The following GNAT3 variants were observed in gnomAD, a reference collection of about 807,000 sequenced individuals.
GNAT3 encodes G protein subunit alpha transducin 3, also known as guanine nucleotide-binding protein G(t) subunit alpha-3.
In GNAT3, 31 loss-of-function variants were observed where a neutral mutation model predicts 37.7. The ratio of observed to expected loss-of-function variants is 0.82; its 90% CI spans 0.62 to 1.11. GNAT3 has a LOEUF of 1.11. Among genes scored for constraint, GNAT3 ranks in the 50% most tolerant of loss-of-function variants. The probability of loss-of-function intolerance (pLI) is 0.00; values close to 1 mark genes in which losing one functional copy is unlikely to be tolerated. For synonymous variants in GNAT3, 138 were observed against 139.8 expected, an observed-to-expected ratio of 0.99 and a Z score of 0.09; for missense variants, 437 against 412.5, an observed-to-expected ratio of 1.06 and a Z score of -0.51.
intron 3 of GNAT3, among the ~76,000 whole-genome samples, chr7:80,485,678 A>T (rs560635844): frequency 4.6e-5 from 7 of 152,218 alleles, no homozygotes; most frequent in East Asian, 1.9e-4. Flanking sequence ...ATAAAAAATA[A>T]TTTTTTCAAA....
At chr7:80,488,312 C>A (rs566543934) in intron 3 of GNAT3, among the ~76,000 whole-genome samples, 3 of 151,954 alleles carry the variant, frequency 2.0e-5, no homozygotes, top group Non-Finnish European at 4.4e-5. Context: ...GTTTAATCCT[C>A]AGGAAAACAA....
At chr7:80,488,128 T>A (rs570040382) in intron 3 of GNAT3, among the ~76,000 whole-genome samples, 9 of 152,264 alleles carry the variant, frequency 5.9e-5, no homozygotes, top group African/African-American at 2.2e-4. Flanking sequence ...GTAATCATCG[T>A]CAAACATTAA....
chr7:80,509,354 A>G (rs1348734867), intron 1 of GNAT3, among the ~76,000 whole-genome samples: 2 of 152,100 alleles, frequency 1.3e-5, no homozygotes, highest in Non-Finnish European at 2.9e-5. Flanking sequence ...AATAGGAACA[A>G]CTTAAGAGAA....
rs1485352522 is a variant in GNAT3, at chr7:80,510,347, T to TA, written c.118+1461dup. Among the ~76,000 whole-genome samples the TA allele has an allele frequency of 7.9e-5, 12 of 152,254 alleles. No individual in the cohort carries two copies. In the South Asian group the frequency reaches 2.3e-3, roughly 29 times the overall value. On this transcript the variant is annotated intron_variant, in intron 1 of 7. Transcript: ENST00000398291. Reference sequence around the variant, plus strand: ...TATTTTTACAAAATAAGAGAATATGTAAAAAAATAGATAATTGGTATATTG... The same window carrying TA: ...TATTTTTACAAAATAAGAGAATATGTAAAAAAAATAGATAATTGGTATATTG...
chr7:80,476,220 A>C (rs914879584), intron 4 of GNAT3, among the ~76,000 whole-genome samples: 1 of 151,928 alleles, frequency 6.6e-6, no homozygotes, highest in Non-Finnish European at 1.5e-5. Flanking sequence ...GCATTAGCAG[A>C]CTGACAAATT....
chr7:80,499,623 A>G (rs1790796671), intron 1 of GNAT3, among the ~76,000 whole-genome samples: 2 of 152,230 alleles, frequency 1.3e-5, no homozygotes, highest in South Asian at 4.1e-4. Flanking sequence ...CTGTTGGTAT[A>G]AAAGATTTTT....
At chr7:80,494,724 G>C in intron 1 of GNAT3, 77 bp from the exon 2 acceptor site, 3 of 862,302 alleles carry the variant, frequency 3.5e-6, no homozygotes, top group East Asian at 2.7e-5. Context: ...ACTTTTCATG[G>C]ATAATCTTTA....
chr7:80,478,206 C>T (rs886494027), intron 4 of GNAT3, among the ~76,000 whole-genome samples: 1 of 152,140 alleles, frequency 6.6e-6, no homozygotes, highest in Non-Finnish European at 1.5e-5. Flanking sequence ...CCACTGTGCC[C>T]AGCACTAAAG....
chr7:80,489,632 T>A (rs1790554295), intron 2 of GNAT3, among the ~76,000 whole-genome samples: 1 of 152,156 alleles, frequency 6.6e-6, no homozygotes, highest in African/African-American at 2.4e-5. Context: ...CTATATTTGT[T>A]ATTTGTTGTT....
intron 1 of GNAT3, among the ~76,000 whole-genome samples, chr7:80,510,301 A>G (rs1791042819): frequency 6.6e-6 from 1 of 152,164 alleles, no homozygotes; most frequent in African/African-American, 2.4e-5. Context: ...TAGCTCTTTC[A>G]TTGTTTTGGC....
intron 3 of GNAT3, among the ~76,000 whole-genome samples, chr7:80,480,320 C>T (rs939681730): frequency 6.6e-6 from 1 of 152,080 alleles, no homozygotes; most frequent in Non-Finnish European, 1.5e-5. Context: ...CTCCATTTTA[C>T]ATGTGAGGAA....
chr7:80,485,372 C>T (rs1790460788), intron 3 of GNAT3, among the ~76,000 whole-genome samples: 1 of 152,104 alleles, frequency 6.6e-6, no homozygotes, highest in Non-Finnish European at 1.5e-5. Context: ...TTTGTAATTG[C>T]TTACATATGT....
At chr7:80,473,244 G>A (rs1790248860) in intron 5 of GNAT3, among the ~76,000 whole-genome samples, 1 of 152,030 alleles carries the variant, frequency 6.6e-6, no homozygotes, top group Admixed American at 6.6e-5. Context: ...AACTATTTGT[G>A]GGCCTAAAAT....
At chr7:80,484,745 T>C (rs7783668) in intron 3 of GNAT3, among the ~76,000 whole-genome samples, 9,903 of 152,084 alleles carry the variant, frequency 0.065, 751 homozygotes, top group African/African-American at 0.18. Context: ...TCAAGTTCTA[T>C]GCTTAGGAAA....
At chr7:80,460,664 C>T (rs942842640) in intron 7 of GNAT3, among the ~76,000 whole-genome samples, 2 of 151,954 alleles carry the variant, frequency 1.3e-5, no homozygotes, top group East Asian at 3.9e-4. Flanking sequence ...AGAAGAATAG[C>T]TTGAGCCCAG....
chr7:80,491,546 G>A (rs1356243272), intron 2 of GNAT3, among the ~76,000 whole-genome samples: 5 of 152,154 alleles, frequency 3.3e-5, no homozygotes, highest in Non-Finnish European at 5.9e-5. Flanking sequence ...CATTTTAAAT[G>A]TAGTCAGAGA....
chr7:80,494,685 C>A, intron 1 of GNAT3, 38 bp from the exon 2 acceptor site: 1 of 1,174,084 alleles, frequency 8.5e-7, no homozygotes, highest in African/African-American at 1.5e-5. Context: ...AACTGATATA[C>A]CAAATTTGAA....
At chr7:80,491,746 C>G (rs1790596455) in intron 2 of GNAT3, among the ~76,000 whole-genome samples, 1 of 152,012 alleles carries the variant, frequency 6.6e-6, no homozygotes. Context: ...TGCAACTTAC[C>G]AGAGGCAAAA....
At chr7:80,494,395 A>G (rs1477998340) in intron 2 of GNAT3, among the ~76,000 whole-genome samples, 1 of 152,174 alleles carries the variant, frequency 6.6e-6, no homozygotes, top group South Asian at 2.1e-4. Context: ...TGAGAGGCAC[A>G]TTTTAAAAAA....
Sources: gnomAD v4.1 joint callset for allele counts (sites outside exome capture counted in the v4.1 genomes callset) on GRCh38, gnomAD v4.1.1 for gene constraint, MANE v1.5 for transcripts, NCBI Gene and HGNC (gene_info 2026-07-23, HGNC 2026-07-21) for gene names.